MRPL52: variants seen among roughly 807,000 people sequenced by gnomAD.
MRPL52 encodes large ribosomal subunit protein mL52.
A neutral mutation model predicts 22.1 loss-of-function variants in MRPL52; 19 were observed. That is an observed-to-expected ratio of 0.86 (90% CI 0.60 to 1.26). MRPL52 has a LOEUF of 1.26. MRPL52 is among the 50% of genes most tolerant of loss of function. The pLI is 0.00. For missense variants in MRPL52, 152 were observed against 148.1 expected, an observed-to-expected ratio of 1.03 and a Z score of -0.14; for synonymous variants, 50 against 57.5, an observed-to-expected ratio of 0.87 and a Z score of 0.59.
Position 22,829,948 on chromosome 14 carries a change from G to A in MRPL52, c.28+8G>A, listed in dbSNP as rs367704642. On this transcript the variant is annotated splice_region_variant and intron_variant, in intron 1 of 4. Transcript: ENST00000397496. ...TAGGGACTGTTCTCTTCAGTGAGTG[G>A]GTATAGATAGGGACCGTGGACTCGG... The A allele has an allele frequency of 6.2e-7, 1 of 1,610,098 alleles. No individual in the cohort carries two copies. The highest frequency in any genetic ancestry group is 1.3e-5 in the African/African-American group (1 of 74,872).
At chr14:22,830,535 T>C in intron 3 of MRPL52, 1 of 480,910 alleles carries the variant, frequency 2.1e-6, no homozygotes, top group Non-Finnish European at 3.7e-6. Context: ...ACTTCTGCGT[T>C]TTTCAAAGGG....
rs2039567487 is a variant in MRPL52 at position 22,830,073 on chromosome 14, A to T, written c.49A>T (p.Ser17Cys). Residue 17 changes from serine to cysteine, a missense_variant, in exon 2 of 5, where the codon AGC becomes TGC. Physicochemically the swap from Ser to Cys is moderately radical, Grantham distance 112. Coordinates refer to ENST00000397496, the MANE Select transcript of MRPL52 (RefSeq NM_180982.3). ...AGCAGGTGTCCGGAGGCTGCACTGCAGCGTAGCCGCTTGGGCGGGCGGCCA... is the reference window on the plus strand; with the variant it reads ...AGCAGGTGTCCGGAGGCTGCACTGCTGCGTAGCCGCTTGGGCGGGCGGCCA... ...VLFSVRRLHC[S>C]VAAWAGGQWR... 6.2e-7 allele frequency: 1 copy of T among 1,613,952 alleles called. No individual in the cohort carries two copies. Among genetic ancestry groups the T allele is most frequent in the African/African-American group, 1.3e-5 (1 of 74,948 alleles).
chr14:22,830,584 G>T (rs2039585123), intron 3 of MRPL52: 1 of 424,782 alleles, frequency 2.4e-6, no homozygotes, highest in Non-Finnish European at 4.2e-6. Context: ...TTTCTCTGTG[G>T]TTAGTGAATT....
rs2039559198 is a variant in MRPL52, at chr14:22,829,900, A to G, written c.-13A>G. ...ACGCCTACTTCCGGCTACCCCGGCTACTCCTGCTCAGCATGGCTGCTTTAG... is the reference window on the plus strand; with the variant it reads ...ACGCCTACTTCCGGCTACCCCGGCTGCTCCTGCTCAGCATGGCTGCTTTAG... On this transcript the variant is annotated 5_prime_UTR_variant, in exon 1 of 5. Transcript: ENST00000397496. 1 of 1,565,964 alleles carries G rather than the reference A, an allele frequency of 6.4e-7. No individual in the cohort carries two copies. The highest frequency in any genetic ancestry group is 1.2e-5 in the South Asian group (1 of 86,434).
At chr14:22,832,391 AGTG>A in intron 3 of MRPL52, among the ~76,000 whole-genome samples, 1 of 152,056 alleles carries the variant, frequency 6.6e-6, no homozygotes, top group South Asian at 2.1e-4. Context: ...CCCAGGCTGG[AGTG>A]CAGTGGTGCG....
At chr14:22,830,614 T>C (rs1242921626) in intron 3 of MRPL52, 1 of 394,290 alleles carries the variant, frequency 2.5e-6, no homozygotes, top group Non-Finnish European at 4.6e-6. Context: ...TGGTACCAAA[T>C]GCAGGGAGAG....
At chr14:22,830,622 G>A (rs2039586218) in intron 3 of MRPL52, 2 of 387,630 alleles carry the variant, frequency 5.2e-6, no homozygotes, top group African/African-American at 4.2e-5. Context: ...AATGCAGGGA[G>A]AGCTCTTTGA....
At chr14:22,830,905 C>A in intron 3 of MRPL52, 2 of 1,222,032 alleles carry the variant, frequency 1.6e-6, no homozygotes, top group Non-Finnish European at 2.3e-6. Context: ...AGAACATAGG[C>A]CAGTCCTCCT....
rs562092987 is a variant in MRPL52, at chr14:22,830,999, G to A, written c.154+745G>A. 185 of 1,527,412 alleles carry A rather than the reference G, an allele frequency of 1.2e-4. 2 individuals carry two copies. The highest frequency in any genetic ancestry group is 5.1e-4 in the Middle Eastern group (3 of 5,936). 94.6% of individuals were successfully genotyped at this position (1,527,412 alleles called of 1,614,324 possible). On this transcript the variant is annotated intron_variant, in intron 3 of 4. Coordinates refer to ENST00000397496, the MANE Select transcript of MRPL52 (RefSeq NM_180982.3). The stretch of plus-strand genomic sequence containing the variant: ...CTGCTTAATTGGATAATTGGTGACT[G>A]AGGAAGATGGTGAAGATTTTTTCTA...
Position 22,834,204 on chromosome 14 carries a change from C to T in MRPL52, c.252C>T (p.Asp84=), listed in dbSNP as rs146048721. The T allele has an allele frequency of 7.6e-5, 122 of 1,614,044 alleles. 1 individual carries two copies. The South Asian group carries it at 7.7e-4, about 10-fold the overall frequency. ...TTGTACTGCTGTCACAGGAAATGGA[C>T]GCTGGATTACAAGCATGGCAGCTCA... is the stretch of plus-strand genomic sequence containing the variant. The part of the protein sequence containing the change: ...RRVVLLSQEM[D]AGLQAWQLRQ... Residue 84 remains aspartate (D), a synonymous_variant, in exon 5 of 5, where the codon GAC becomes GAT. Transcript: ENST00000397496.
At chr14:22,830,848 GTGAATT>G in intron 3 of MRPL52, 1 of 674,404 alleles carries the variant, frequency 1.5e-6, no homozygotes. Context: ...GCCTACAGAA[GTGAATT>G]GCACATGATC....
chr14:22,833,810 A>T (rs542749684), intron 4 of MRPL52, among the ~76,000 whole-genome samples: 2 of 152,116 alleles, frequency 1.3e-5, no homozygotes, highest in Non-Finnish European at 2.9e-5. Flanking sequence ...TAGTAGAGAC[A>T]GGGTTTTTCT....
Position 22,833,429 on chromosome 14 carries a change from G to C in MRPL52, c.166G>C (p.Ala56Pro), listed in dbSNP as rs767249100. The change falls in exon 4 of 5, where the codon GCT (alanine) becomes CCT (proline). Residue 56 changes from alanine to proline, a missense_variant. Physicochemically the swap from Ala to Pro is conservative, Grantham distance 27. Transcript: ENST00000397496. Reference protein sequence around the residue: ...PDWSYADGRPAPPMKGQLRRK... With the variant: ...PDWSYADGRPPPPMKGQLRRK... The stretch of plus-strand genomic sequence containing the variant: ...ACTTCTACTTGTAGATGGCCGCCCT[G>C]CTCCCCCAATGAAAGGCCAGCTTCG... 6 of 1,613,218 alleles carry C rather than the reference G, an allele frequency of 3.7e-6. No homozygotes were observed. In the East Asian group the frequency reaches 1.1e-4, roughly 30 times the overall value.
chr14:22,831,689 T>C (rs375507548), intron 3 of MRPL52: 3 of 152,404 alleles, frequency 2.0e-5, no homozygotes, highest in African/African-American at 7.2e-5. Flanking sequence ...AGTAAACTAC[T>C]TGGGTTAGAT....
At chr14:22,833,607 C>G in intron 4 of MRPL52, 125 bp downstream of exon 4, 1 of 682,994 alleles carries the variant, frequency 1.5e-6, no homozygotes, top group Admixed American at 3.1e-5. Context: ...TAATAACAGC[C>G]AAAGGTTTTT....
chr14:22,830,976 G>A (rs1308570855), intron 3 of MRPL52: 5 of 1,532,716 alleles, frequency 3.3e-6, no homozygotes, highest in Non-Finnish European at 4.4e-6. Context: ...GTATGATCCT[G>A]CTTAATTGGA....
Position 22,834,232 on chromosome 14 carries a change from C to T in MRPL52, c.280C>T (p.Gln94Ter). 1 of 1,614,178 alleles carries T rather than the reference C, an allele frequency of 6.2e-7. No individual in the cohort carries two copies. The highest frequency in any genetic ancestry group is 8.5e-7 in the Non-Finnish European group (1 of 1,180,044). ...TGGATTACAAGCATGGCAGCTCAGG[C>T]AGCAGAAGTTGCAGGAAGAACAAAG... ...DAGLQAWQLR[Q>*]QKLQEEQRKQ... is the part of the protein sequence containing the mutation. Residue 94 changes from glutamine (Q) to a stop codon, truncating the protein, a stop_gained, in exon 5 of 5, where the codon CAG (glutamine) becomes TAG (stop). Coordinates refer to ENST00000397496, the MANE Select transcript of MRPL52 (RefSeq NM_180982.3). LOFTEE classifies it high-confidence loss of function.
Position 22,833,581 on chromosome 14 carries a change from C to T in MRPL52, c.219+99C>T, listed in dbSNP as rs7149716. Reference sequence around the variant, plus strand: ...TGCACCTAAGCAAACATGTACCCCTCATACAGAGGTTTTATTAATAACAGC... The same window carrying T: ...TGCACCTAAGCAAACATGTACCCCTTATACAGAGGTTTTATTAATAACAGC... On this transcript the variant is annotated intron_variant, in intron 4 of 4. Transcript: ENST00000397496. 6.1e-5 allele frequency: 49 copies of T among 805,022 alleles called. No individual in the cohort carries two copies. In the African/African-American group the frequency reaches 8.0e-4, roughly 13 times the overall value. The allele number at this position is 805,022 out of a possible 1,614,324, so 49.9% of individuals were successfully genotyped here.
intron 3 of MRPL52, 82 bp downstream of exon 3, chr14:22,830,336 C>A: frequency 7.1e-7 from 1 of 1,417,986 alleles, no homozygotes; most frequent in Non-Finnish European, 1.0e-6. Flanking sequence ...CTGGGGGTAT[C>A]AAGGTGGGGG....
Sources: gnomAD v4.1 joint callset for allele counts (sites outside exome capture counted in the v4.1 genomes callset) on GRCh38, gnomAD v4.1.1 for gene constraint, MANE v1.5 for transcripts, NCBI Gene and HGNC (gene_info 2026-07-23, HGNC 2026-07-21) for gene names.